The following LRP1B variants were observed in gnomAD, a reference collection of about 807,000 sequenced individuals.
LRP1B encodes the protein low-density lipoprotein receptor-related protein 1B.
Under a neutral mutation model 556.6 loss-of-function variants are expected in LRP1B, and 217 were observed. That is an observed-to-expected ratio of 0.39 (90% CI 0.35 to 0.44). The LOEUF (loss-of-function observed/expected upper bound fraction) is 0.44, where lower values mean the gene tolerates loss of function less well. Among genes scored for constraint, LRP1B ranks in the 20% least tolerant of loss-of-function variants. LRP1B has a pLI of 1.00. For synonymous variants in LRP1B, 2,047 were observed against 1,865.8 expected (o/e 1.10, Z -2.50); for missense variants, 5,053 against 5,620.8 (o/e 0.90, Z 3.23).
chr2:141,914,887 G>T (rs1699991007), intron 1 of LRP1B, among the ~76,000 whole-genome samples: 2 of 152,272 alleles, frequency 1.3e-5, no homozygotes, highest in South Asian at 2.1e-4. Context: ...TTATTCTCAT[G>T]AATTGGAAGA....
At chr2:140,323,073 C>T (rs922692565) in intron 81 of LRP1B, among the ~76,000 whole-genome samples, 1 of 151,952 alleles carries the variant, frequency 6.6e-6, no homozygotes, top group African/African-American at 2.4e-5. Context: ...TGAATAAACA[C>T]CAACTGTTAT....
chr2:141,951,370 G>A (rs367985183), intron 1 of LRP1B, among the ~76,000 whole-genome samples: 4 of 151,964 alleles, frequency 2.6e-5, no homozygotes, highest in African/African-American at 7.3e-5. Flanking sequence ...CCCAAAGTCC[G>A]CTATATCATT....
At chr2:142,088,974 CAA>C (rs1289382985) in intron 1 of LRP1B, among the ~76,000 whole-genome samples, 1 of 39,736 alleles carries the variant, frequency 2.5e-5, no homozygotes, top group African/African-American at 9.4e-5. Context: ...GGCTCCGTCT[CAA>C]AAAAAAAAAA....
intron 49 of LRP1B, among the ~76,000 whole-genome samples, chr2:140,520,397 T>C (rs563896461): frequency 2.0e-5 from 3 of 152,102 alleles, no homozygotes; most frequent in East Asian, 3.9e-4. Flanking sequence ...TAGGTGGAAA[T>C]TGAACAATGA....
At chr2:140,574,555 T>C (rs965777811) in intron 43 of LRP1B, among the ~76,000 whole-genome samples, 2 of 152,332 alleles carry the variant, frequency 1.3e-5, no homozygotes, top group East Asian at 1.9e-4. Context: ...AGCTCTCTTG[T>C]ACTAGACAGG....
At chr2:142,054,939 C>T (rs1278418909) in intron 1 of LRP1B, among the ~76,000 whole-genome samples, 1 of 152,056 alleles carries the variant, frequency 6.6e-6, no homozygotes, top group African/African-American at 2.4e-5. Context: ...TGTTTCACAT[C>T]AGTGAATTTT....
In LRP1B at chr2:140,321,981, T is replaced by C; in HGVS notation, c.12622A>G (p.Asn4208Asp). The stretch of plus-strand genomic sequence containing the variant: ...TACCCACCTAACAGGCTGTCATCAT[T>C]GCAGGTGCCATTAATCAAATATTTT... ...EGKYLINGTC[N>D]DDSLLDDSCK... Residue 4208 changes from asparagine (N) to aspartate (D), a missense_variant, in exon 82 of 91, where the codon AAT (asparagine) becomes GAT (aspartate). By Grantham distance (23) the Asn-to-Asp change is conservative. Transcript: ENST00000389484. The C allele has an allele frequency of 6.2e-7, 1 of 1,613,148 alleles. No homozygotes were observed. The highest frequency in any genetic ancestry group is 8.5e-7 in the Non-Finnish European group (1 of 1,179,380).
rs1314065608 is a variant in LRP1B, at chr2:140,539,497, T to TTCCTGATTCA, written c.7513+1466_7513+1475dup. Among the ~76,000 whole-genome samples the TTCCTGATTCA allele has an allele frequency of 3.3e-5, 5 of 152,226 alleles. No individual in the cohort carries two copies. In the East Asian group the frequency reaches 9.7e-4, roughly 29 times the overall value. Reference sequence around the variant, plus strand: ...GTGCTTGTTTAAGATGTCAGTTTTCTTCCTGATTCATTTCCTCTCGTCAAC... The same window carrying TTCCTGATTCA: ...GTGCTTGTTTAAGATGTCAGTTTTCTTCCTGATTCATCCTGATTCATTTCCTCTCGTCAAC... On this transcript the variant is annotated intron_variant, in intron 45 of 90. Transcript: ENST00000389484.
At chr2:140,626,962 A>C (rs1338295593) in intron 41 of LRP1B, among the ~76,000 whole-genome samples, 1 of 152,178 alleles carries the variant, frequency 6.6e-6, no homozygotes, top group Non-Finnish European at 1.5e-5. Context: ...ATAGAACTAG[A>C]CTGTTCTACA....
intron 81 of LRP1B, among the ~76,000 whole-genome samples, chr2:140,323,237 ATAGCTGTGT>A (rs1553447141): frequency 6.6e-6 from 1 of 151,992 alleles, no homozygotes; most frequent in Non-Finnish European, 1.5e-5. Flanking sequence ...ACTGTTTTTG[ATAGCTGTGT>A]TAGAAATATA....
At chr2:142,014,590 A>G (rs1462680610) in intron 1 of LRP1B, among the ~76,000 whole-genome samples, 3 of 152,208 alleles carry the variant, frequency 2.0e-5, no homozygotes, top group African/African-American at 7.2e-5. Flanking sequence ...GAGGAACCAA[A>G]AAAAGAGCTG....
At chr2:140,975,409 G>T (rs1250976153) in intron 18 of LRP1B, among the ~76,000 whole-genome samples, 2 of 152,160 alleles carry the variant, frequency 1.3e-5, no homozygotes, top group African/African-American at 4.8e-5. Context: ...CAGCAGAAAG[G>T]AAGTTTCCTC....
At chr2:140,718,565 G>A (rs898767483) in intron 35 of LRP1B, among the ~76,000 whole-genome samples, 2 of 151,834 alleles carry the variant, frequency 1.3e-5, no homozygotes, top group Non-Finnish European at 2.9e-5. Flanking sequence ...GAAAAGTATA[G>A]CTACAGATAT....
At chr2:140,449,515 T>TTG (rs1686801421) in intron 63 of LRP1B, among the ~76,000 whole-genome samples, 1 of 152,114 alleles carries the variant, frequency 6.6e-6, no homozygotes, top group Non-Finnish European at 1.5e-5. Context: ...GCAGTGGATC[T>TTG]TTCAGAAACA....
At chr2:142,125,480 T>C (rs1443772116) in intron 1 of LRP1B, among the ~76,000 whole-genome samples, 2 of 151,830 alleles carry the variant, frequency 1.3e-5, no homozygotes, top group African/African-American at 4.8e-5. Context: ...GGAACTCACA[T>C]ATGGAAATTA....
At chr2:140,285,602 T>C (rs1683114089) in intron 84 of LRP1B, among the ~76,000 whole-genome samples, 1 of 151,718 alleles carries the variant, frequency 6.6e-6, no homozygotes, top group Admixed American at 6.6e-5. Flanking sequence ...AAACAAACAA[T>C]TTATTGATAT....
chr2:141,602,453 G>A (rs1002695777), intron 2 of LRP1B, among the ~76,000 whole-genome samples: 6 of 152,098 alleles, frequency 3.9e-5, no homozygotes, highest in African/African-American at 1.4e-4. Context: ...TATTTAGAAA[G>A]TAATTTAAAC....
At chr2:141,513,693 T>A (rs541161722) in intron 2 of LRP1B, among the ~76,000 whole-genome samples, 3 of 151,556 alleles carry the variant, frequency 2.0e-5, no homozygotes, top group Non-Finnish European at 4.4e-5. Flanking sequence ...TTATTTTTTG[T>A]TTTTTAAAGG....
chr2:141,273,605 A>C (rs1685171022), intron 3 of LRP1B, among the ~76,000 whole-genome samples: 1 of 152,206 alleles, frequency 6.6e-6, no homozygotes, highest in Non-Finnish European at 1.5e-5. Flanking sequence ...CCTCAGTAAA[A>C]GAGTTACAAC....
Sources: allele counts gnomAD v4.1 joint callset (sites outside exome capture counted in the v4.1 genomes callset), GRCh38; gene constraint gnomAD v4.1.1; transcripts MANE v1.5; gene names NCBI Gene and HGNC (gene_info 2026-07-23, HGNC 2026-07-21).